Variants in KSR2 observed in about 807,000 individuals in gnomAD.
KSR2 encodes the protein kinase suppressor of ras 2.
KSR2 carries 25 observed loss-of-function variants against 107.8 expected under a neutral mutation model. The ratio of observed to expected loss-of-function variants is 0.23; its 90% CI spans 0.17 to 0.32. The LOEUF is 0.32. Among genes scored for constraint, KSR2 ranks in the 10% least tolerant of loss-of-function variants. The probability of loss-of-function intolerance (pLI) is 1.00; values close to 1 mark genes in which losing one functional copy is unlikely to be tolerated. For missense variants in KSR2, 887 were observed against 1,268.9 expected (o/e 0.70, Z 4.57); for synonymous variants, 480 against 507.0 (o/e 0.95, Z 0.71).
rs59605571 is a variant in KSR2, at chr12:117,656,981, G to GATATATAT, written c.1171+10485_1171+10492dup. 6.7e-3 allele frequency among the ~76,000 whole-genome samples: 657 copies of GATATATAT among 98,058 alleles called. 12 individuals are homozygous for GATATATAT. The highest frequency in any genetic ancestry group is 0.013 in the African/African-American group (301 of 23,046). 64.3% of individuals were successfully genotyped at this position (98,058 alleles called of 152,430 possible). A position where few individuals can be genotyped will look rare whatever the true frequency, so the allele number is the denominator to read the frequency against. Reference sequence around the variant, plus strand: ...ATAATAGGATATATATATATAATAGGATATATATATATATATATATATATA... The same window carrying GATATATAT: ...ATAATAGGATATATATATATAATAGGATATATATATATATATATATATATATATATATA... On this transcript the variant is annotated intron_variant, in intron 5 of 19. Transcript: ENST00000339824.
chr12:117,539,351 G>C, intron 10 of KSR2: 1 of 218,708 alleles, frequency 4.6e-6, no homozygotes, highest in Non-Finnish European at 8.8e-6. Context: ...TAAGACAACT[G>C]TCATCTCCAG....
chr12:117,488,851 G>A (rs1228877616), intron 14 of KSR2, among the ~76,000 whole-genome samples: 4 of 151,920 alleles, frequency 2.6e-5, no homozygotes, highest in African/African-American at 4.8e-5. Flanking sequence ...CTCAATTTCT[G>A]TTGTTTCTAA....
intron 1 of KSR2, among the ~76,000 whole-genome samples, chr12:117,941,511 A>T (rs922934533): frequency 6.6e-6 from 1 of 151,296 alleles, no homozygotes. Flanking sequence ...TGATGCACAG[A>T]TGTAGTAAAA....
At chr12:117,608,851 G>C (rs900492115) in intron 5 of KSR2, among the ~76,000 whole-genome samples, 1 of 152,108 alleles carries the variant, frequency 6.6e-6, no homozygotes, top group Admixed American at 6.5e-5. Flanking sequence ...ATGGAGCTCT[G>C]GGTGGGCTAA....
At chr12:117,769,507 CCTCA>C (rs1487452389) in intron 3 of KSR2, among the ~76,000 whole-genome samples, 1 of 152,204 alleles carries the variant, frequency 6.6e-6, no homozygotes, top group East Asian at 1.9e-4. Context: ...CCCTAAAATT[CCTCA>C]CTGTGACTCC....
chr12:117,566,021 C>G (rs761126698), intron 7 of KSR2, among the ~76,000 whole-genome samples: 10 of 152,136 alleles, frequency 6.6e-5, no homozygotes, highest in African/African-American at 1.9e-4. Context: ...TAGGTAAACT[C>G]ATGTCGTGCC....
At chr12:117,853,222 G>T (rs1334232153) in intron 3 of KSR2, among the ~76,000 whole-genome samples, 1 of 152,168 alleles carries the variant, frequency 6.6e-6, no homozygotes, top group East Asian at 1.9e-4. Context: ...CTTATGATAG[G>T]AAAAATATGG....
chr12:117,792,745 T>C (rs909887758), intron 3 of KSR2, among the ~76,000 whole-genome samples: 5 of 152,216 alleles, frequency 3.3e-5, no homozygotes, highest in African/African-American at 1.2e-4. Context: ...ATAATGTGAT[T>C]GATGCACCCA....
intron 1 of KSR2, among the ~76,000 whole-genome samples, chr12:117,867,738 A>G (rs1166609933): frequency 1.3e-5 from 2 of 152,234 alleles, no homozygotes; most frequent in East Asian, 3.9e-4. Context: ...GCTATTGGCT[A>G]TAAGTGAGGC....
intron 1 of KSR2, among the ~76,000 whole-genome samples, chr12:117,950,162 C>T (rs1264531829): frequency 6.6e-6 from 1 of 151,718 alleles, no homozygotes; most frequent in African/African-American, 2.4e-5. Flanking sequence ...TTAGGAGAGG[C>T]GGGGTTTTAC....
At chr12:117,575,945 C>T (rs1253254158) in intron 7 of KSR2, among the ~76,000 whole-genome samples, 1 of 152,152 alleles carries the variant, frequency 6.6e-6, no homozygotes, top group Non-Finnish European at 1.5e-5. Context: ...TAAGCTCACA[C>T]AAGAGTTTAG....
intron 4 of KSR2, among the ~76,000 whole-genome samples, chr12:117,730,109 T>C (rs973514150): frequency 6.6e-6 from 1 of 152,162 alleles, no homozygotes; most frequent in Non-Finnish European, 1.5e-5. Context: ...AAAGAAAATA[T>C]GTCATTGAAT....
intron 1 of KSR2, among the ~76,000 whole-genome samples, chr12:117,912,050 A>G (rs1351659761): frequency 6.6e-6 from 1 of 152,242 alleles, no homozygotes; most frequent in Non-Finnish European, 1.5e-5. Context: ...GACTTGCATC[A>G]TTCTGGTTTG....
chr12:117,787,361 A>G (rs1005748825), intron 3 of KSR2, among the ~76,000 whole-genome samples: 2 of 152,160 alleles, frequency 1.3e-5, no homozygotes, highest in Non-Finnish European at 2.9e-5. Flanking sequence ...GGCCAGGAGC[A>G]GTGGCCCACA....
chr12:117,494,119 T>A (rs1872892789), intron 14 of KSR2, among the ~76,000 whole-genome samples: 1 of 152,284 alleles, frequency 6.6e-6, no homozygotes, highest in Non-Finnish European at 1.5e-5. Context: ...TGCAGTGCCT[T>A]AGGCTGCTTC....
intron 5 of KSR2, among the ~76,000 whole-genome samples, chr12:117,647,323 A>G (rs10735110): frequency 0.91 from 138,308 of 152,204 alleles, 63,042 homozygotes; most frequent in East Asian, 1. Context: ...CATGGGACAC[A>G]GTAGAACACT....
intron 4 of KSR2, among the ~76,000 whole-genome samples, chr12:117,708,308 A>C (rs1243872895): frequency 6.6e-6 from 1 of 152,138 alleles, no homozygotes; most frequent in Non-Finnish European, 1.5e-5. Flanking sequence ...CAGTGGTTCT[A>C]GTGTCAGGCT....
rs547519628 is a variant in KSR2, at chr12:117,857,411, A to G, written c.322-1833T>C. On this transcript the variant is annotated intron_variant, in intron 2 of 19. Transcript: ENST00000339824. ...ATGTTTGAAGGGGGTGATTCATAAC[A>G]TAAAAGGATTCTCCTCTTTGCTTCA... Among the ~76,000 whole-genome samples the G allele has an allele frequency of 9.8e-5, 15 of 152,326 alleles. No homozygotes were observed. In the South Asian group the frequency reaches 1.0e-3, roughly 11 times the overall value.
chr12:117,798,709 CAA>C (rs749755380), intron 3 of KSR2, among the ~76,000 whole-genome samples: 2 of 117,070 alleles, frequency 1.7e-5, no homozygotes, highest in Non-Finnish European at 3.7e-5. Context: ...GCAAAAAGTC[CAA>C]AAAAAAAAAA....
Sources: gnomAD v4.1 joint callset for allele counts (sites outside exome capture counted in the v4.1 genomes callset) on GRCh38, gnomAD v4.1.1 for gene constraint, MANE v1.5 for transcripts, NCBI Gene and HGNC (gene_info 2026-07-23, HGNC 2026-07-21) for gene names.